RFTN2: variants seen among roughly 807,000 people sequenced by gnomAD.
RFTN2 encodes the protein raftlin-2.
A neutral mutation model predicts 52.7 loss-of-function variants in RFTN2; 34 were observed. That is an observed-to-expected ratio of 0.64 (90% CI 0.49 to 0.86). The LOEUF (loss-of-function observed/expected upper bound fraction) is 0.86, where lower values mean the gene tolerates loss of function less well. Ranked by LOEUF, RFTN2 falls within the 40% of genes least tolerant of loss-of-function variation. The probability of loss-of-function intolerance (pLI) is 0.00; values close to 1 mark genes in which losing one functional copy is unlikely to be tolerated. For synonymous variants in RFTN2, 203 were observed against 217.7 expected, an observed-to-expected ratio of 0.93 and a Z score of 0.59; for missense variants, 536 against 600.1, an observed-to-expected ratio of 0.89 and a Z score of 1.12.
intron 7 of RFTN2, among the ~76,000 whole-genome samples, chr2:197,609,326 T>C (rs1245548714): frequency 6.6e-6 from 1 of 152,248 alleles, no homozygotes; most frequent in Admixed American, 6.5e-5. Flanking sequence ...ATCACCATTC[T>C]AACTGGCATG....
Position 197,592,090 on chromosome 2 carries a change from T to C in RFTN2, c.1233+3901A>G, listed in dbSNP as rs565861140. 9.8e-5 allele frequency among the ~76,000 whole-genome samples: 15 copies of C among 152,328 alleles called. 1 individual carries two copies. In the South Asian group the frequency reaches 3.1e-3, roughly 32 times the overall value. On this transcript the variant is annotated intron_variant, in intron 8 of 8. Coordinates refer to ENST00000295049, the MANE Select transcript of RFTN2 (RefSeq NM_144629.3). ...GGAGGCGCGGAGAGTGAGTGAGGGC[T>C]GCGAGGGTTGCCAGCACTCTGTCAC...
chr2:197,670,770 A>C (rs901371929), intron 1 of RFTN2, among the ~76,000 whole-genome samples: 3 of 152,182 alleles, frequency 2.0e-5, no homozygotes, highest in Admixed American at 1.3e-4. Flanking sequence ...GCCACCTCAA[A>C]TGCAACATGA....
intron 1 of RFTN2, among the ~76,000 whole-genome samples, chr2:197,654,469 C>T (rs1478694603): frequency 6.6e-6 from 1 of 152,046 alleles, no homozygotes; most frequent in Non-Finnish European, 1.5e-5. Context: ...CATATTAACT[C>T]CAAACTGATG....
chr2:197,587,340 T>G (rs776037805), intron 8 of RFTN2, among the ~76,000 whole-genome samples: 10 of 152,084 alleles, frequency 6.6e-5, no homozygotes, highest in Non-Finnish European at 1.3e-4. Context: ...TTTTTCTTAT[T>G]AATATAAGAA....
chr2:197,571,592 AAGAG>A lies in RFTN2; in HGVS notation c.*412_*415del, dbSNP rs571011809. On this transcript the variant is annotated 3_prime_UTR_variant, in exon 9 of 9. Transcript: ENST00000295049. ...TGTGTATGAGAGAGAGAGAAAAAAA[AAGAG>A]AGAGAGAGGTTATTTTTCAGCTTAA... The A allele has an allele frequency of 6.0e-4, 103 of 171,172 alleles. No individual in the cohort carries two copies. Among genetic ancestry groups the A allele is most frequent in the Middle Eastern group, 2.8e-3 (1 of 352 alleles). 10.6% of individuals were successfully genotyped at this position (171,172 alleles called of 1,614,324 possible). A position where few individuals can be genotyped will look rare whatever the true frequency, so the allele number is the denominator to read the frequency against.
At chr2:197,673,810 G>C (rs924308009) in intron 1 of RFTN2, among the ~76,000 whole-genome samples, 1 of 152,190 alleles carries the variant, frequency 6.6e-6, no homozygotes, top group Admixed American at 6.5e-5. Context: ...AACTTTTCAA[G>C]TTACTTTAAA....
At chr2:197,584,206 T>A (rs1044151863) in intron 8 of RFTN2, among the ~76,000 whole-genome samples, 1 of 152,224 alleles carries the variant, frequency 6.6e-6, no homozygotes, top group Non-Finnish European at 1.5e-5. Context: ...CGCCACACTG[T>A]CTTCCACAAT....
chr2:197,588,612 T>C (rs994058072), intron 8 of RFTN2, among the ~76,000 whole-genome samples: 1 of 152,242 alleles, frequency 6.6e-6, no homozygotes, highest in Non-Finnish European at 1.5e-5. Flanking sequence ...TTGAGGTGAT[T>C]ACGAACAGAG....
intron 3 of RFTN2, among the ~76,000 whole-genome samples, chr2:197,636,508 A>G (rs2106239327): frequency 6.0e-5 from 5 of 83,976 alleles, no homozygotes; most frequent in Admixed American, 1.3e-4. Context: ...GCAATTGTGA[A>G]TGGGAGTTCA....
intron 7 of RFTN2, among the ~76,000 whole-genome samples, chr2:197,598,496 C>A (rs939977414): frequency 1.4e-4 from 22 of 152,154 alleles, no homozygotes; most frequent in African/African-American, 4.6e-4. Flanking sequence ...TAGAATTATT[C>A]TTCTTGAAGA....
At chr2:197,601,815 T>C (rs13422269) in intron 7 of RFTN2, among the ~76,000 whole-genome samples, 6,631 of 152,138 alleles carry the variant, frequency 0.044, 462 homozygotes, top group African/African-American at 0.15. Context: ...CTTGGGCCAA[T>C]TAGACTACTT....
chr2:197,611,611 T>C (rs1415598777), intron 7 of RFTN2, among the ~76,000 whole-genome samples: 1 of 152,210 alleles, frequency 6.6e-6, no homozygotes, highest in Non-Finnish European at 1.5e-5. Context: ...CTCTATCTCC[T>C]TCATTTCTGC....
rs1256233408 is a variant in RFTN2 at position 197,572,009 on chromosome 2, C to T, written c.1505G>A (p.Ter502=). 5.0e-6 allele frequency: 8 copies of T among 1,613,290 alleles called. No individual in the cohort carries two copies. Among genetic ancestry groups the T allele is most frequent in the Non-Finnish European group, 6.8e-6 (8 of 1,179,214 alleles). ...EDGVTQVTCM[*] ...CCTTCCTTTGCTTCACCTCATGGCT[C>T]ACATACAAGTGACCTGAGTCACTCC... The change falls in exon 9 of 9, where the codon TGA becomes TAA. Residue 502 remains the stop codon, a stop_retained_variant. Transcript: ENST00000295049.
chr2:197,666,934 T>A (rs2089070951), intron 1 of RFTN2, among the ~76,000 whole-genome samples: 1 of 152,198 alleles, frequency 6.6e-6, no homozygotes, highest in African/African-American at 2.4e-5. Context: ...AGCTCTTGAA[T>A]GTATTTTGTA....
In RFTN2 at chr2:197,615,883, G is replaced by T; in HGVS notation, c.1147C>A (p.His383Asn). 2 of 1,538,364 alleles carry T rather than the reference G, an allele frequency of 1.3e-6. No homozygotes were observed. Among genetic ancestry groups the T allele is most frequent in the Non-Finnish European group, 1.8e-6 (2 of 1,133,762 alleles). Residue 383 changes from histidine (H) to asparagine (N), a missense_variant, in exon 7 of 9, where the codon CAT becomes AAT. Physicochemically the swap from His to Asn is moderately conservative, Grantham distance 68 (BLOSUM62 1). Coordinates refer to ENST00000295049, the MANE Select transcript of RFTN2 (RefSeq NM_144629.3). ...TSVLPTPVLRHDSEGNLATKQ... is the reference protein window; with the variant it reads ...TSVLPTPVLRNDSEGNLATKQ... ...AGGATACTTTTGCCTTACCTGTCAT[G>T]TCTCAATACAGGTGTGGGCAACACG...
intron 7 of RFTN2, among the ~76,000 whole-genome samples, chr2:197,599,274 A>G (rs955952011): frequency 6.6e-6 from 1 of 152,262 alleles, no homozygotes; most frequent in Middle Eastern, 3.4e-3. Flanking sequence ...GTGTCCTTAA[A>G]TGTTTTGGAC....
At chr2:197,668,133 A>G (rs1369027091) in intron 1 of RFTN2, among the ~76,000 whole-genome samples, 2 of 152,118 alleles carry the variant, frequency 1.3e-5, no homozygotes, top group African/African-American at 4.8e-5. Context: ...GATAGGTGCC[A>G]GCTATGGTGG....
intron 1 of RFTN2, among the ~76,000 whole-genome samples, chr2:197,659,105 G>A (rs965462455): frequency 6.2e-4 from 94 of 152,090 alleles, no homozygotes; most frequent in African/African-American, 2.1e-3. Flanking sequence ...AATGCTAAAA[G>A]TTTTGCTCTG....
chr2:197,582,060 G>A (rs1030984580), intron 8 of RFTN2, among the ~76,000 whole-genome samples: 25 of 152,166 alleles, frequency 1.6e-4, no homozygotes, highest in Non-Finnish European at 1.2e-4. Flanking sequence ...GGACCGGGAC[G>A]GTGTCCTGTA....
Sources: gnomAD v4.1 joint callset for allele counts (sites outside exome capture counted in the v4.1 genomes callset) on GRCh38, gnomAD v4.1.1 for gene constraint, MANE v1.5 for transcripts, NCBI Gene and HGNC (gene_info 2026-07-23, HGNC 2026-07-21) for gene names.